The following PCCA variants were observed in gnomAD, a reference collection of about 807,000 sequenced individuals.
PCCA encodes the protein propionyl-CoA carboxylase subunit alpha.
In PCCA, 74 loss-of-function variants were observed where a neutral mutation model predicts 101.3. That is an observed-to-expected ratio of 0.73 (90% CI 0.61 to 0.89). The LOEUF (loss-of-function observed/expected upper bound fraction) is 0.89, where lower values mean the gene tolerates loss of function less well. Ranked by LOEUF, PCCA falls within the 40% of genes least tolerant of loss-of-function variation. PCCA has a pLI of 0.00. For synonymous variants in PCCA, 294 were observed against 313.6 expected (o/e 0.94, Z 0.66); for missense variants, 891 against 907.0 (o/e 0.98, Z 0.23).
chr13:100,436,088 C>T (rs760574411), intron 20 of PCCA, among the ~76,000 whole-genome samples: 2 of 152,034 alleles, frequency 1.3e-5, no homozygotes, highest in African/African-American at 4.8e-5. Flanking sequence ...TGAAACTGTA[C>T]TCCACAGTGT....
rs2051956006 is a variant in PCCA, at chr13:100,142,163, G to C, written c.301-12816G>C. Among the ~76,000 whole-genome samples the C allele has an allele frequency of 2.6e-5, 4 of 151,578 alleles. No individual in the cohort carries two copies. The South Asian group carries it at 8.3e-4, about 32-fold the overall frequency. On this transcript the variant is annotated intron_variant, in intron 4 of 23. Coordinates refer to ENST00000376285, the MANE Select transcript of PCCA (RefSeq NM_000282.4). ...CTATAAGGTAGAGTTTTTCTACCTT[G>C]TGCTGTCCAGATGTTTCTTTTTATT...
At chr13:100,340,380 G>C (rs1185192177) in intron 18 of PCCA, 121 bp downstream of exon 18, 7 of 708,544 alleles carry the variant, frequency 9.9e-6, no homozygotes, top group Admixed American at 2.0e-5. Context: ...TGGGTCTTTG[G>C]AGAAGTATAA....
intron 10 of PCCA, among the ~76,000 whole-genome samples, chr13:100,263,751 T>TA (rs1308381669): frequency 2.6e-5 from 4 of 152,056 alleles, no homozygotes; most frequent in Non-Finnish European, 4.4e-5. Flanking sequence ...TCTAAATTGA[T>TA]ATATCACATA....
At position 100,380,032 on chromosome 13, in the gene PCCA, A is replaced by AACACACACACACACACACACACACAC. The variant is rs140284754; in HGVS notation, c.1746+11479_1746+11480insCACACACACACACACACACACACACA. Reference sequence around the variant, plus strand: ...GACCCAGAATAGCCAAAGTAATCTAAACACACACACACACACACACAGACA... The same window carrying AACACACACACACACACACACACACAC: ...GACCCAGAATAGCCAAAGTAATCTAAACACACACACACACACACACACACACACACACACACACACACACACAGACA... On this transcript the variant is annotated intron_variant, in intron 19 of 23. Transcript: ENST00000376285. 8.2e-4 allele frequency among the ~76,000 whole-genome samples: 122 copies of AACACACACACACACACACACACACAC among 149,648 alleles called. 5 individuals carry two copies. In the South Asian group the frequency reaches 0.025, roughly 31 times the overall value.
intron 1 of PCCA, among the ~76,000 whole-genome samples, chr13:100,093,087 T>C (rs2046421865): frequency 6.6e-6 from 1 of 152,162 alleles, no homozygotes; most frequent in South Asian, 2.1e-4. Flanking sequence ...TTCCAAACTT[T>C]AAAAAATGTA....
At chr13:100,225,165 A>G (rs2060079293) in intron 7 of PCCA, among the ~76,000 whole-genome samples, 1 of 152,220 alleles carries the variant, frequency 6.6e-6, no homozygotes, top group Admixed American at 6.5e-5. Context: ...GTAGACCCCT[A>G]AAATAAAGTA....
At chr13:100,367,470 T>C (rs1170034367) in intron 18 of PCCA, among the ~76,000 whole-genome samples, 1 of 151,396 alleles carries the variant, frequency 6.6e-6, no homozygotes, top group African/African-American at 2.4e-5. Context: ...TCATAAGTCA[T>C]TTAGGGTTTT....
intron 7 of PCCA, among the ~76,000 whole-genome samples, chr13:100,217,570 T>C (rs1432192925): frequency 6.8e-6 from 1 of 148,094 alleles, no homozygotes; most frequent in Non-Finnish European, 1.5e-5. Context: ...TATCAGTTTT[T>C]GTGTGTGTGT....
At chr13:100,520,496 GCA>G (rs2087160004) in intron 22 of PCCA, among the ~76,000 whole-genome samples, 7 of 151,670 alleles carry the variant, frequency 4.6e-5, no homozygotes, top group South Asian at 4.2e-4. Flanking sequence ...TTAGCCGGGC[GCA>G]GTGGCGGGCG....
At chr13:100,150,508 A>G in intron 4 of PCCA, 3 of 1,346,966 alleles carry the variant, frequency 2.2e-6, no homozygotes, top group Non-Finnish European at 2.0e-6. Context: ...GCGGGAGAGT[A>G]TTGCGCCTTC....
At chr13:100,421,389 T>TA (rs1299230176) in intron 19 of PCCA, among the ~76,000 whole-genome samples, 1 of 152,126 alleles carries the variant, frequency 6.6e-6, no homozygotes, top group Non-Finnish European at 1.5e-5. Context: ...ATTTTTTTCT[T>TA]AAAAAATGAT....
intron 21 of PCCA, among the ~76,000 whole-genome samples, chr13:100,496,903 G>A (rs750122431): frequency 5.3e-5 from 8 of 152,178 alleles, no homozygotes; most frequent in Non-Finnish European, 7.3e-5. Flanking sequence ...ATGGAGCCAC[G>A]AAACTTCATG....
intron 22 of PCCA, among the ~76,000 whole-genome samples, chr13:100,517,195 G>A (rs1050816716): frequency 2.0e-5 from 3 of 152,088 alleles, no homozygotes; most frequent in African/African-American, 7.2e-5. Context: ...CTCAAGCCTG[G>A]AGGGCAAGAG....
intron 4 of PCCA, among the ~76,000 whole-genome samples, chr13:100,126,585 G>A (rs1487002293): frequency 1.3e-5 from 2 of 152,090 alleles, no homozygotes; most frequent in East Asian, 1.9e-4. Context: ...TTTGTGCCAG[G>A]TAGACAGACC....
chr13:100,394,382 G>A lies in PCCA; in HGVS notation c.1746+25808G>A, dbSNP rs570875478. 1.3e-5 allele frequency among the ~76,000 whole-genome samples: 2 copies of A among 152,150 alleles called. No individual in the cohort carries two copies. Among genetic ancestry groups the A allele is most frequent in the South Asian group, 2.1e-4 (1 of 4,810 alleles). On this transcript the variant is annotated intron_variant, in intron 19 of 23. Transcript: ENST00000376285. This position sits in a 1 kb window ranked among gnomAD's most constrained non-coding sequence, Gnocchi z 4.3. ...TTAAGAAAACACAGCTTTCTTCAGC[G>A]AGGTTCCTTTTGCATCAGCGCTGGT...
At chr13:100,469,291 C>T (rs1435370156) in intron 21 of PCCA, among the ~76,000 whole-genome samples, 1 of 151,100 alleles carries the variant, frequency 6.6e-6, no homozygotes, top group African/African-American at 2.4e-5. Context: ...TTCAGAGCTA[C>T]CCAGGCAAAG....
rs564458230 is a variant in PCCA, at chr13:100,333,953, G to T, written c.1540+3282G>T. On this transcript the variant is annotated intron_variant, in intron 17 of 23. Transcript: ENST00000376285. ...ATATAGGCTCTAGAAGAAAATCAAA[G>T]ATGGGTATATTTTACCTGCTCTTAG... 2.6e-5 allele frequency among the ~76,000 whole-genome samples: 4 copies of T among 152,272 alleles called. 1 individual carries two copies. In the South Asian group the frequency reaches 8.3e-4, roughly 32 times the overall value.
At chr13:100,478,733 A>C (rs1332593022) in intron 21 of PCCA, among the ~76,000 whole-genome samples, 2 of 152,156 alleles carry the variant, frequency 1.3e-5, no homozygotes, top group South Asian at 2.1e-4. Flanking sequence ...TGGGGCATGA[A>C]CACTCGTCCT....
At chr13:100,260,203 C>G (rs978502069) in intron 9 of PCCA, among the ~76,000 whole-genome samples, 2 of 152,218 alleles carry the variant, frequency 1.3e-5, no homozygotes, top group East Asian at 1.9e-4. Context: ...TAAGATTCCC[C>G]TAAATCAACA....
Sources: allele counts gnomAD v4.1 joint callset (sites outside exome capture counted in the v4.1 genomes callset), GRCh38; gene constraint gnomAD v4.1.1; non-coding constraint Gnocchi (gnomAD v3.1); transcripts MANE v1.5; gene names NCBI Gene and HGNC (gene_info 2026-07-23, HGNC 2026-07-21).